Variants in CEP43 observed in about 807,000 individuals in gnomAD.
CEP43 encodes the protein FGFR1 oncogene partner.
A neutral mutation model predicts 52.6 loss-of-function variants in CEP43; 36 were observed. That is an observed-to-expected ratio of 0.68 (90% CI 0.52 to 0.90). The LOEUF (loss-of-function observed/expected upper bound fraction) is 0.90, where lower values mean the gene tolerates loss of function less well. Among genes scored for constraint, CEP43 ranks in the 40% least tolerant of loss-of-function variants. CEP43 has a pLI of 0.00. For missense variants in CEP43, 506 were observed against 472.8 expected, an observed-to-expected ratio of 1.07 and a Z score of -0.65; for synonymous variants, 192 against 172.4, an observed-to-expected ratio of 1.11 and a Z score of -0.89.
At chr6:167,034,529 C>G (rs983460419) in intron 12 of CEP43, among the ~76,000 whole-genome samples, 3 of 152,194 alleles carry the variant, frequency 2.0e-5, no homozygotes, top group African/African-American at 7.2e-5. Context: ...GCAGGGTCAC[C>G]TGTCAGTACC....
chr6:167,036,428 G>A, intron 12 of CEP43: 2 of 985,414 alleles, frequency 2.0e-6, no homozygotes, highest in East Asian at 1.1e-4. Flanking sequence ...CAGAGGCCCT[G>A]GGGAGGGTAG....
intron 7 of CEP43, among the ~76,000 whole-genome samples, chr6:167,021,588 C>A (rs1276642180): frequency 6.6e-6 from 1 of 152,094 alleles, no homozygotes; most frequent in African/African-American, 2.4e-5. Flanking sequence ...GAGTGAAAGT[C>A]GGCTGTGAAG....
chr6:167,022,259 AACACACACACAC>A (rs35327997), intron 7 of CEP43, 138 bp from the exon 8 acceptor site: 25 of 544,768 alleles, frequency 4.6e-5, no homozygotes, highest in Admixed American at 7.0e-5. Context: ...GAGCTGCCCC[AACACACACACAC>A]ACACACACAC....
intron 8 of CEP43, 127 bp downstream of exon 8, chr6:167,022,762 C>A: frequency 1.5e-6 from 1 of 674,506 alleles, no homozygotes. Flanking sequence ...TCTGACTATG[C>A]GTTGTTAATG....
chr6:167,041,374 G>A lies in CEP43; in HGVS notation c.*1396G>A, dbSNP rs113088880. On this transcript the variant is annotated 3_prime_UTR_variant, in exon 13 of 13. Transcript: ENST00000366847. ...ATCAAGAGGAAGTAGGACATAAACT[G>A]GGCCGGTACAGCCTGGGAGCCCTGT... is the stretch of plus-strand genomic sequence containing the variant. 2.2e-3 allele frequency: 2,284 copies of A among 1,060,342 alleles called. 71 individuals carry two copies. The East Asian group carries it at 0.067, about 31-fold the overall frequency. The allele number at this position is 1,060,342 out of a possible 1,614,324, so 65.7% of individuals were successfully genotyped here.
intron 5 of CEP43, among the ~76,000 whole-genome samples, chr6:167,005,483 G>A (rs1010081418): frequency 6.6e-6 from 1 of 152,220 alleles, no homozygotes; most frequent in South Asian, 2.1e-4. Context: ...ATTTTAAAGT[G>A]AGAGTAGGAT....
At chr6:167,038,288 G>T (rs958830843) in intron 12 of CEP43, among the ~76,000 whole-genome samples, 1 of 152,166 alleles carries the variant, frequency 6.6e-6, no homozygotes, top group Non-Finnish European at 1.5e-5. Flanking sequence ...TCCATGGGCC[G>T]TCCTGTCTGC....
intron 7 of CEP43, among the ~76,000 whole-genome samples, chr6:167,021,072 GAAAAA>G (rs5881725): frequency 2.1e-5 from 3 of 143,884 alleles, no homozygotes; most frequent in African/African-American, 7.8e-5. Flanking sequence ...TCTTAAAAAA[GAAAAA>G]AAAAAAAAAG....
chr6:167,007,591 A>T (rs181908750), intron 5 of CEP43, among the ~76,000 whole-genome samples: 3,812 of 152,306 alleles, frequency 0.025, 168 homozygotes, highest in African/African-American at 0.088. Context: ...ATTATTTATT[A>T]GTGTTTTCTA....
In CEP43 at chr6:167,046,534, T is replaced by A. The variant is rs1451465904; in HGVS notation, c.*6556T>A. ...GGAATTTCTTAGCCTAATTTCTAAATTAGAACTGCTTATGCAAATTAACAC... is the reference window on the plus strand; with the variant it reads ...GGAATTTCTTAGCCTAATTTCTAAAATAGAACTGCTTATGCAAATTAACAC... On this transcript the variant is annotated 3_prime_UTR_variant, in exon 13 of 13. Coordinates refer to ENST00000366847, the MANE Select transcript of CEP43 (RefSeq NM_007045.4). 2 of 152,242 alleles carry A rather than the reference T, an allele frequency of 1.3e-5. No individual in the cohort carries two copies. Among genetic ancestry groups the A allele is most frequent in the Non-Finnish European group, 2.9e-5 (2 of 68,042 alleles). 9.4% of individuals were successfully genotyped at this position (152,242 alleles called of 1,614,324 possible). A position where few individuals can be genotyped will look rare whatever the true frequency, so the allele number is the denominator to read the frequency against.
rs956416527 is a variant in CEP43 at position 167,041,055 on chromosome 6, A to G, written c.*1077A>G. 11 of 1,032,224 alleles carry G rather than the reference A, an allele frequency of 1.1e-5. No individual in the cohort carries two copies. Among genetic ancestry groups the G allele is most frequent in the Admixed American group, 5.7e-5 (1 of 17,634 alleles). 63.9% of individuals were successfully genotyped at this position (1,032,224 alleles called of 1,614,324 possible). A position where few individuals can be genotyped will look rare whatever the true frequency, so the allele number is the denominator to read the frequency against. On this transcript the variant is annotated 3_prime_UTR_variant, in exon 13 of 13. Transcript: ENST00000366847. ...GAAAGTGATGCATGCATATTTATAT[A>G]TAAGTAAAGCAGGATTGTGCTGTTT...
In CEP43 at chr6:167,032,582, ATCTTT is replaced by A; in HGVS notation, c.989-16_989-12del. On this transcript the variant is annotated splice_polypyrimidine_tract_variant and intron_variant, in intron 10 of 12. Transcript: ENST00000366847. ...TTGTGACGCACATTAGATATAACAT[ATCTTT>A]TCTTAAACTTATCAGGAACTGGAGA... 1 of 1,558,528 alleles carries A rather than the reference ATCTTT, an allele frequency of 6.4e-7. No homozygotes were observed. The highest frequency in any genetic ancestry group is 8.7e-7 in the Non-Finnish European group (1 of 1,149,676).
intron 2 of CEP43, among the ~76,000 whole-genome samples, chr6:167,000,358 A>G (rs1196247796): frequency 6.6e-6 from 1 of 152,236 alleles, no homozygotes; most frequent in East Asian, 1.9e-4. Flanking sequence ...ACAAATGGTC[A>G]TAGGAGTTTC....
rs1223181957 is a variant in CEP43, at chr6:167,045,979, C to G, written c.*6001C>G. The G allele has an allele frequency of 6.6e-6, 1 of 152,378 alleles. No homozygotes were observed. Among genetic ancestry groups the G allele is most frequent in the Non-Finnish European group, 1.5e-5 (1 of 68,184 alleles). The allele number at this position is 152,378 out of a possible 1,614,324, so 9.4% of individuals were successfully genotyped here. ...GCACCCCTACTGCCCCAGTGCCAGGCCTTTTCTAGCAGCTCTCATGGGTTC... is the reference window on the plus strand; with the variant it reads ...GCACCCCTACTGCCCCAGTGCCAGGGCTTTTCTAGCAGCTCTCATGGGTTC... On this transcript the variant is annotated 3_prime_UTR_variant, in exon 13 of 13. Coordinates refer to ENST00000366847, the MANE Select transcript of CEP43 (RefSeq NM_007045.4).
chr6:167,032,748 G>T, intron 11 of CEP43, 106 bp downstream of exon 11: 1 of 1,023,034 alleles, frequency 9.8e-7, no homozygotes, highest in Non-Finnish European at 1.4e-6. Context: ...TAATGTATTT[G>T]ATTCTGTTGT....
rs974145018 is a variant in CEP43 at position 167,010,823 on chromosome 6, A to G, written c.449A>G (p.Asp150Gly). ...KGPTTGEGALDLSDVHSPPKS... is the reference protein window; with the variant it reads ...KGPTTGEGALGLSDVHSPPKS... Reference sequence around the variant, plus strand: ...ACTAAAATATTTTAGGGTGCACTTGATCTATCTGATGTACATTCTCCACCA... The same window carrying G: ...ACTAAAATATTTTAGGGTGCACTTGGTCTATCTGATGTACATTCTCCACCA... Residue 150 changes from aspartate (D) to glycine (G), a missense_variant, in exon 6 of 13, where the codon GAT becomes GGT. By Grantham distance (94) the Asp-to-Gly change is moderately conservative (BLOSUM62 -1). Coordinates refer to ENST00000366847, the MANE Select transcript of CEP43 (RefSeq NM_007045.4). The G allele has an allele frequency of 5.1e-6, 8 of 1,559,742 alleles. No individual in the cohort carries two copies. Among genetic ancestry groups the G allele is most frequent in the Admixed American group, 1.9e-5 (1 of 52,064 alleles).
intron 10 of CEP43, among the ~76,000 whole-genome samples, chr6:167,030,451 A>G (rs1483636360): frequency 4.6e-5 from 7 of 152,202 alleles, no homozygotes; most frequent in Non-Finnish European, 7.4e-5. Flanking sequence ...AAGCACTTGC[A>G]GCCCTTTAAC....
intron 12 of CEP43, among the ~76,000 whole-genome samples, chr6:167,034,956 T>C (rs1439526878): frequency 1.3e-5 from 2 of 152,268 alleles, no homozygotes; most frequent in Non-Finnish European, 2.9e-5. Context: ...GCCTGAAGAA[T>C]GTTGCTTTAA....
rs188571046 is a variant in CEP43, at chr6:167,047,380, T to A, written c.*7402T>A. 1 of 152,320 alleles carries A rather than the reference T, an allele frequency of 6.6e-6. No homozygotes were observed. The highest frequency in any genetic ancestry group is 1.5e-5 in the Non-Finnish European group (1 of 68,072). The allele number at this position is 152,320 out of a possible 1,614,324, so 9.4% of individuals were successfully genotyped here. A position where few individuals can be genotyped will look rare whatever the true frequency, so the allele number is the denominator to read the frequency against. On this transcript the variant is annotated 3_prime_UTR_variant, in exon 13 of 13. Coordinates refer to ENST00000366847, the MANE Select transcript of CEP43 (RefSeq NM_007045.4). ...GTGGCTAGAAGCCTGGATGGGCAAC[T>A]TGGCTGAGTGATGTTGGGCAAGTTA...
Sources: allele counts gnomAD v4.1 joint callset (sites outside exome capture counted in the v4.1 genomes callset), GRCh38; gene constraint gnomAD v4.1.1; transcripts MANE v1.5; gene names NCBI Gene and HGNC (gene_info 2026-07-23, HGNC 2026-07-21).